Variants in TDRD5 observed in about 807,000 individuals in gnomAD.
The protein encoded by TDRD5 is tudor domain-containing protein 5.
In TDRD5, 41 loss-of-function variants were observed where a neutral mutation model predicts 120.6. The observed-to-expected ratio is 0.34, with a 90% CI of 0.26 to 0.44. TDRD5 has a LOEUF of 0.44. Ranked by LOEUF, TDRD5 falls within the 20% of genes least tolerant of loss-of-function variation. The pLI is 1.00. For synonymous variants in TDRD5, 430 were observed against 433.7 expected, an observed-to-expected ratio of 0.99 and a Z score of 0.11; for missense variants, 1,006 against 1,221.2, an observed-to-expected ratio of 0.82 and a Z score of 2.63.
intron 14 of TDRD5, among the ~76,000 whole-genome samples, chr1:179,659,590 TGC>T (rs1553332466): frequency 0.051 from 3,389 of 67,086 alleles, 116 homozygotes; most frequent in African/African-American, 0.11. Flanking sequence ...TGTGTGTGTG[TGC>T]GCGCGCTTGC....
In TDRD5 at chr1:179,596,123, A is replaced by ATT. The variant is rs1675378696; in HGVS notation, c.831+305_831+306insTT. Among the ~76,000 whole-genome samples, 3 of 152,298 alleles carry ATT rather than the reference A, an allele frequency of 2.0e-5. No homozygotes were observed. In the South Asian group the frequency reaches 6.2e-4, roughly 32 times the overall value. The stretch of plus-strand genomic sequence containing the variant: ...CAGAAGCATATTTGCAATTTACCTC[A>ATT]CAAATATCTTCTGAATGGCTGTCCC... On this transcript the variant is annotated intron_variant, in intron 4 of 17. Coordinates refer to ENST00000444136, the MANE Select transcript of TDRD5 (RefSeq NM_001199085.3).
intron 11 of TDRD5, among the ~76,000 whole-genome samples, chr1:179,646,048 A>G (rs955579635): frequency 6.6e-6 from 1 of 152,120 alleles, no homozygotes; most frequent in Non-Finnish European, 1.5e-5. Context: ...GTTTAGGCTG[A>G]TTACACTTAT....
chr1:179,595,593 A>T (rs1675345672), intron 3 of TDRD5, 35 bp from the exon 4 acceptor site: 1 of 1,516,660 alleles, frequency 6.6e-7, no homozygotes, highest in African/African-American at 1.4e-5. Context: ...GTTGCTAGTG[A>T]CAATTTTTCT....
intron 11 of TDRD5, among the ~76,000 whole-genome samples, chr1:179,641,716 T>C (rs1018650284): frequency 1.3e-5 from 2 of 152,234 alleles, no homozygotes; most frequent in Non-Finnish European, 2.9e-5. Flanking sequence ...TGTATTCTGC[T>C]CTTTTGCTTA....
At chr1:179,612,382 T>C (rs2101948536) in intron 4 of TDRD5, among the ~76,000 whole-genome samples, 1 of 152,276 alleles carries the variant, frequency 6.6e-6, no homozygotes, top group African/African-American at 2.4e-5. Flanking sequence ...TTCTTTATTT[T>C]GACTTCTTGA....
In TDRD5 at chr1:179,654,330, C is replaced by A. The variant is rs773538493; in HGVS notation, c.2290C>A (p.Pro764Thr). 7.8e-6 allele frequency: 12 copies of A among 1,540,968 alleles called. No individual in the cohort carries two copies. The highest frequency in any genetic ancestry group is 1.7e-4 in the Middle Eastern group (1 of 5,952). The change falls in exon 14 of 18, where the codon CCA (proline) becomes ACA (threonine). Residue 764 changes from proline to threonine, a missense_variant. By Grantham distance (38) the Pro-to-Thr change is conservative. This residue lies in a region of TDRD5 where 403 missense variants were observed against 448.1 expected (regional missense o/e 0.90). Coordinates refer to ENST00000444136, the MANE Select transcript of TDRD5 (RefSeq NM_001199085.3). ...TGAAGAAGATCCAAAGTGGTCCAACCCAGAACCAAACGATCTGAAGGAAGA... is the reference window on the plus strand; with the variant it reads ...TGAAGAAGATCCAAAGTGGTCCAACACAGAACCAAACGATCTGAAGGAAGA... ...SFEEDPKWSNPEPNDLKEENE... is the reference protein window; with the variant it reads ...SFEEDPKWSNTEPNDLKEENE...
At chr1:179,622,451 T>C (rs1469108845) in intron 6 of TDRD5, among the ~76,000 whole-genome samples, 1 of 152,076 alleles carries the variant, frequency 6.6e-6, no homozygotes, top group African/African-American at 2.4e-5. Flanking sequence ...AGGTGATCAA[T>C]GGAAATTCTG....
intron 4 of TDRD5, among the ~76,000 whole-genome samples, chr1:179,610,659 CAT>C (rs1359516940): frequency 1.3e-5 from 2 of 152,032 alleles, no homozygotes; most frequent in Non-Finnish European, 2.9e-5. Context: ...AAAAGCTAAA[CAT>C]AGAGTCTGAT....
At chr1:179,688,526 G>T (rs1680888362) in intron 17 of TDRD5, among the ~76,000 whole-genome samples, 1 of 152,094 alleles carries the variant, frequency 6.6e-6, no homozygotes, top group Non-Finnish European at 1.5e-5. Context: ...ATGTTTCTTG[G>T]AGTTGCTCTT....
chr1:179,649,534 G>T (rs886391024), intron 11 of TDRD5, among the ~76,000 whole-genome samples: 3 of 151,876 alleles, frequency 2.0e-5, no homozygotes, highest in Admixed American at 2.0e-4. Flanking sequence ...AACCTATGAG[G>T]TTTTTAATTT....
intron 6 of TDRD5, among the ~76,000 whole-genome samples, chr1:179,625,982 C>T (rs528943719): frequency 6.6e-6 from 1 of 151,608 alleles, no homozygotes; most frequent in Admixed American, 6.6e-5. Context: ...CCAAACACCG[C>T]ATATTCTCAC....
chr1:179,641,321 G>A (rs1456627529), intron 11 of TDRD5, among the ~76,000 whole-genome samples: 1 of 152,118 alleles, frequency 6.6e-6, no homozygotes, highest in Non-Finnish European at 1.5e-5. Context: ...CCTGAGGTCA[G>A]GAATTCAAGA....
chr1:179,674,433 T>C (rs1338884168), intron 17 of TDRD5, among the ~76,000 whole-genome samples: 2 of 152,186 alleles, frequency 1.3e-5, no homozygotes, highest in African/African-American at 4.8e-5. Context: ...TGTTACTGGA[T>C]TCAGTTCACT....
intron 4 of TDRD5, among the ~76,000 whole-genome samples, chr1:179,617,480 A>C (rs1676622587): frequency 6.6e-6 from 1 of 152,172 alleles, no homozygotes; most frequent in African/African-American, 2.4e-5. Context: ...CTAAAAGGTT[A>C]CACAGTTTGT....
At chr1:179,675,889 G>T (rs1401820005) in intron 17 of TDRD5, among the ~76,000 whole-genome samples, 1 of 152,176 alleles carries the variant, frequency 6.6e-6, no homozygotes, top group Non-Finnish European at 1.5e-5. Flanking sequence ...TTGTTGTAGG[G>T]TATAGTTTAA....
At position 179,595,671 on chromosome 1, in the gene TDRD5, C is replaced by T. The variant is rs1415573624; in HGVS notation, c.684C>T (p.Tyr228=). ...TQPFRMKQGS[Y]STGFPVAKPC... The stretch of plus-strand genomic sequence containing the variant: ...CATTTAGAATGAAACAAGGGTCATA[C>T]TCCACAGGCTTTCCGGTAGCAAAGC... The change falls in exon 4 of 18, where the codon TAC becomes TAT. Residue 228 remains tyrosine (Y), a synonymous_variant. Coordinates refer to ENST00000444136, the MANE Select transcript of TDRD5 (RefSeq NM_001199085.3). The T allele has an allele frequency of 1.2e-6, 2 of 1,612,828 alleles. No homozygotes were observed. The highest frequency in any genetic ancestry group is 1.7e-6 in the Non-Finnish European group (2 of 1,179,556).
At chr1:179,620,322 A>C (rs1438968959) in intron 5 of TDRD5, among the ~76,000 whole-genome samples, 1 of 152,164 alleles carries the variant, frequency 6.6e-6, no homozygotes, top group East Asian at 1.9e-4. Context: ...CTTTATTGGG[A>C]TAGAGTAAGT....
Position 179,652,154 on chromosome 1 carries a change from G to A in TDRD5, c.2117G>A (p.Arg706Gln), listed in dbSNP as rs777728686. 1.3e-5 allele frequency: 21 copies of A among 1,613,578 alleles called. No homozygotes were observed. Among genetic ancestry groups the A allele is most frequent in the Admixed American group, 3.3e-5 (2 of 59,924 alleles). The change falls in exon 13 of 18, where the codon CGA becomes CAA. Residue 706 changes from arginine (R) to glutamine (Q), a missense_variant. Coordinates refer to ENST00000444136, the MANE Select transcript of TDRD5 (RefSeq NM_001199085.3). The stretch of plus-strand genomic sequence containing the variant: ...CAGCAGCACTATTTTAATGAAGACC[G>A]AAAGATAAGTCCACAGTCAAAAGAG... ...PSQQHYFNED[R>Q]KISPQSKESE...
intron 15 of TDRD5, among the ~76,000 whole-genome samples, chr1:179,662,706 G>A (rs1679377975): frequency 6.6e-6 from 1 of 152,146 alleles, no homozygotes; most frequent in Non-Finnish European, 1.5e-5. Flanking sequence ...TATTTATCAG[G>A]CCATAATTCA....
Sources: gnomAD v4.1 joint callset for allele counts (sites outside exome capture counted in the v4.1 genomes callset) on GRCh38, gnomAD v4.1.1 for gene constraint, gnomAD v4.1.1 regional missense constraint, MANE v1.5 for transcripts, NCBI Gene and HGNC (gene_info 2026-07-23, HGNC 2026-07-21) for gene names.